Variants in SPAG16 observed in about 807,000 individuals in gnomAD.
SPAG16 encodes the protein sperm-associated antigen 16 protein.
SPAG16 carries 86 observed loss-of-function variants against 80.4 expected under a neutral mutation model. The observed-to-expected ratio is 1.07, with a 90% CI of 0.90 to 1.28. SPAG16 has a LOEUF of 1.28. Ranked by LOEUF, SPAG16 falls within the 50% of genes most tolerant of loss-of-function variation. The pLI is 0.00. For synonymous variants in SPAG16, 294 were observed against 265.9 expected, an observed-to-expected ratio of 1.11 and a Z score of -1.03; for missense variants, 870 against 765.3, an observed-to-expected ratio of 1.14 and a Z score of -1.61.
chr2:213,814,259 C>A (rs949903522), intron 10 of SPAG16, among the ~76,000 whole-genome samples: 8 of 152,158 alleles, frequency 5.3e-5, no homozygotes, highest in African/African-American at 1.9e-4. Flanking sequence ...TTTGGGAAAC[C>A]TCAGTCTTTA....
intron 13 of SPAG16, among the ~76,000 whole-genome samples, chr2:214,050,989 C>T (rs921986524): frequency 3.3e-5 from 5 of 152,158 alleles, no homozygotes; most frequent in African/African-American, 4.8e-5. Flanking sequence ...CTGCCAGGAA[C>T]GTGGGGTTGC....
chr2:213,604,088 C>T (rs1216627679), intron 10 of SPAG16, among the ~76,000 whole-genome samples: 1 of 152,024 alleles, frequency 6.6e-6, no homozygotes, highest in East Asian at 1.9e-4. Flanking sequence ...GACAGGGTTT[C>T]ACCATGTTGG....
intron 13 of SPAG16, among the ~76,000 whole-genome samples, chr2:214,062,436 AAAAAAAAAG>A (rs2050315469): frequency 6.6e-6 from 1 of 150,408 alleles, no homozygotes; most frequent in Non-Finnish European, 1.5e-5. Flanking sequence ...AAAAAAAAAA[AAAAAAAAAG>A]AAACCAAAAC....
chr2:214,214,375 G>A (rs2058376024), intron 15 of SPAG16, among the ~76,000 whole-genome samples: 1 of 151,922 alleles, frequency 6.6e-6, no homozygotes, highest in South Asian at 2.1e-4. Flanking sequence ...TCACCATGTT[G>A]GCCAGGCTGG....
At chr2:213,372,602 ATCT>A (rs1443499528) in intron 8 of SPAG16, among the ~76,000 whole-genome samples, 2 of 152,106 alleles carry the variant, frequency 1.3e-5, no homozygotes, top group African/African-American at 2.4e-5. Flanking sequence ...CAAATATAAC[ATCT>A]TCTTATTTAA....
At chr2:213,395,011 T>C (rs930126983) in intron 9 of SPAG16, among the ~76,000 whole-genome samples, 1 of 152,222 alleles carries the variant, frequency 6.6e-6, no homozygotes, top group Non-Finnish European at 1.5e-5. Flanking sequence ...TTTATGGGCA[T>C]AAAGTTGTTT....
chr2:213,539,099 C>T (rs917889591), intron 10 of SPAG16, among the ~76,000 whole-genome samples: 1 of 152,070 alleles, frequency 6.6e-6, no homozygotes, highest in Non-Finnish European at 1.5e-5. Flanking sequence ...CTTGTGCTTT[C>T]GGGAAGGGTT....
rs575141712 is a variant in SPAG16, at chr2:214,282,006, G to T, written c.1721-128134G>T. ...TCAGTGGCTTCCTGTAGAGAGGATT[G>T]CAGTGGGTTCTAATCTCTCATTATA... On this transcript the variant is annotated intron_variant, in intron 15 of 15. Coordinates refer to ENST00000331683, the MANE Select transcript of SPAG16 (RefSeq NM_024532.5). Among the ~76,000 whole-genome samples, 10 of 152,274 alleles carry T rather than the reference G, an allele frequency of 6.6e-5. No homozygotes were observed. The East Asian group carries it at 1.7e-3, about 26-fold the overall frequency.
At chr2:213,627,933 C>T (rs971632738) in intron 10 of SPAG16, among the ~76,000 whole-genome samples, 2 of 152,198 alleles carry the variant, frequency 1.3e-5, no homozygotes, top group Non-Finnish European at 2.9e-5. Flanking sequence ...TCCCATCATC[C>T]AAAGTAGTAT....
chr2:214,323,332 A>ATATT (rs200410913), intron 15 of SPAG16, among the ~76,000 whole-genome samples: 19 of 21,086 alleles, frequency 9.0e-4, no homozygotes, highest in African/African-American at 2.5e-3. Flanking sequence ...ATATATATAT[A>ATATT]TATTTATTTA....
At chr2:213,475,053 A>C (rs1559170081) in intron 9 of SPAG16, among the ~76,000 whole-genome samples, 1 of 152,160 alleles carries the variant, frequency 6.6e-6, no homozygotes, top group African/African-American at 2.4e-5. Context: ...GCTTGGCACT[A>C]TATGAGGTAC....
chr2:213,750,234 C>G (rs2068019358), intron 10 of SPAG16, among the ~76,000 whole-genome samples: 1 of 152,128 alleles, frequency 6.6e-6, no homozygotes, highest in Admixed American at 6.6e-5. Flanking sequence ...GTTATGCAAG[C>G]ACATATTTGC....
chr2:214,205,949 C>T (rs745775333), intron 15 of SPAG16, among the ~76,000 whole-genome samples: 1 of 152,044 alleles, frequency 6.6e-6, no homozygotes, highest in Non-Finnish European at 1.5e-5. Flanking sequence ...TAGTCCCACA[C>T]TTTGAGAGGC....
chr2:213,989,087 A>T (rs572697059), intron 12 of SPAG16, among the ~76,000 whole-genome samples: 17 of 152,228 alleles, frequency 1.1e-4, no homozygotes, highest in African/African-American at 3.9e-4. Flanking sequence ...TCATATGATG[A>T]AACTGTTCTG....
chr2:213,431,093 G>A (rs1315774230), intron 9 of SPAG16, among the ~76,000 whole-genome samples: 1 of 152,100 alleles, frequency 6.6e-6, no homozygotes, highest in Non-Finnish European at 1.5e-5. Context: ...AAGAAAGGTT[G>A]ATATTTGCCA....
intron 13 of SPAG16, among the ~76,000 whole-genome samples, chr2:214,056,136 T>C (rs1292559335): frequency 6.6e-6 from 1 of 152,154 alleles, no homozygotes; most frequent in Non-Finnish European, 1.5e-5. Flanking sequence ...CCCTTTACTA[T>C]ATGTGTGTAA....
At chr2:213,547,255 G>C (rs2076642073) in intron 10 of SPAG16, among the ~76,000 whole-genome samples, 1 of 151,858 alleles carries the variant, frequency 6.6e-6, no homozygotes, top group Non-Finnish European at 1.5e-5. Flanking sequence ...TAATAGAAAA[G>C]GGCTCCAAAA....
At chr2:214,147,909 T>C (rs1211013859) in intron 14 of SPAG16, among the ~76,000 whole-genome samples, 1 of 152,096 alleles carries the variant, frequency 6.6e-6, no homozygotes, top group East Asian at 1.9e-4. Context: ...AGAATAGAAA[T>C]CAAGGAGTAA....
chr2:213,742,514 C>T (rs1352254397), intron 10 of SPAG16, among the ~76,000 whole-genome samples: 1 of 151,276 alleles, frequency 6.6e-6, no homozygotes, highest in African/African-American at 2.4e-5. Flanking sequence ...TACAGGTACA[C>T]TCTTGATCCC....
Sources: allele counts gnomAD v4.1 joint callset (sites outside exome capture counted in the v4.1 genomes callset), GRCh38; gene constraint gnomAD v4.1.1; transcripts MANE v1.5; gene names NCBI Gene and HGNC (gene_info 2026-07-23, HGNC 2026-07-21).